Variants in STYX observed in about 807,000 individuals in gnomAD.
STYX encodes the protein serine/threonine/tyrosine-interacting protein.
STYX carries 20 observed loss-of-function variants against 42.7 expected under a neutral mutation model. That is an observed-to-expected ratio of 0.47 (90% CI 0.33 to 0.68). The LOEUF is 0.68. Among genes scored for constraint, STYX ranks in the 30% least tolerant of loss-of-function variants. The pLI is 0.02. For missense variants in STYX, 226 were observed against 268.5 expected, an observed-to-expected ratio of 0.84 and a Z score of 1.11; for synonymous variants, 78 against 81.9, an observed-to-expected ratio of 0.95 and a Z score of 0.26.
chr14:52,746,399 A>G (rs768601522), intron 2 of STYX, 27 bp from the exon 3 acceptor site: 3 of 1,536,554 alleles, frequency 2.0e-6, no homozygotes, highest in Non-Finnish European at 2.6e-6. Flanking sequence ...TGCTGATGGT[A>G]AATACCTCAA....
intron 4 of STYX, among the ~76,000 whole-genome samples, chr14:52,751,953 A>G (rs932614711): frequency 1.7e-4 from 26 of 152,164 alleles, no homozygotes; most frequent in Non-Finnish European, 3.7e-4. Context: ...ACCTGAGGTC[A>G]GGAGTTCGAG....
rs1431768879 is a variant in STYX, at chr14:52,730,385, C to T, written c.-90C>T. Reference sequence around the variant, plus strand: ...CCTGTCAGCCCTCCGCTCCGCCGGCCCTCCTTCCTTCCGCCGCCGCAGCCA... The same window carrying T: ...CCTGTCAGCCCTCCGCTCCGCCGGCTCTCCTTCCTTCCGCCGCCGCAGCCA... On this transcript the variant is annotated 5_prime_UTR_variant, in exon 1 of 11. Transcript: ENST00000354586. 87 of 1,391,732 alleles carry T rather than the reference C, an allele frequency of 6.3e-5. 1 individual carries two copies. 86.2% of individuals were successfully genotyped at this position (1,391,732 alleles called of 1,614,324 possible).
chr14:52,771,747 A>G lies in STYX; in HGVS notation c.*641A>G, dbSNP rs927597428. ...AATTAGCTGTCCTTACTTTAACTTG[A>G]TCTAATTATTGCTTCCTTTCTTATT... On this transcript the variant is annotated 3_prime_UTR_variant, in exon 11 of 11. Transcript: ENST00000354586. 2 of 152,386 alleles carry G rather than the reference A, an allele frequency of 1.3e-5. No homozygotes were observed. The highest frequency in any genetic ancestry group is 4.8e-5 in the African/African-American group (2 of 41,430). The allele number at this position is 152,386 out of a possible 1,614,324, so 9.4% of individuals were successfully genotyped here.
chr14:52,762,142 A>G (rs1278338575), intron 9 of STYX, among the ~76,000 whole-genome samples: 1 of 151,678 alleles, frequency 6.6e-6, no homozygotes, highest in Non-Finnish European at 1.5e-5. Context: ...GGCCTCTCAA[A>G]GTGCTGGAAT....
intron 1 of STYX, among the ~76,000 whole-genome samples, chr14:52,738,666 G>C (rs1881059386): frequency 6.6e-6 from 1 of 152,172 alleles, no homozygotes; most frequent in Admixed American, 6.6e-5. Flanking sequence ...ATTACTTTAA[G>C]TTGGAAACAC....
intron 1 of STYX, 65 bp from the exon 2 acceptor site, chr14:52,744,787 T>C: frequency 6.8e-7 from 1 of 1,477,282 alleles, no homozygotes; most frequent in Non-Finnish European, 9.4e-7. Context: ...GTGTCACATC[T>C]TTAGCCTTTA....
chr14:52,770,342 G>T (rs1882464573), intron 10 of STYX, among the ~76,000 whole-genome samples: 4 of 152,068 alleles, frequency 2.6e-5, no homozygotes, highest in Admixed American at 2.6e-4. Context: ...ATAAGTTTAA[G>T]GTCATGCCAT....
intron 1 of STYX, among the ~76,000 whole-genome samples, chr14:52,741,230 AT>A (rs61593961): frequency 1.0e-4 from 14 of 140,308 alleles, no homozygotes; most frequent in Non-Finnish European, 1.5e-4. Flanking sequence ...ATATATATAT[AT>A]TTTTTTTTTG....
In STYX at chr14:52,771,338, C is replaced by G. The variant is rs1882504227; in HGVS notation, c.*232C>G. 4 of 375,896 alleles carry G rather than the reference C, an allele frequency of 1.1e-5. No homozygotes were observed. Among genetic ancestry groups the G allele is most frequent in the Admixed American group, 8.7e-5 (2 of 22,974 alleles). 23.3% of individuals were successfully genotyped at this position (375,896 alleles called of 1,614,324 possible). On this transcript the variant is annotated 3_prime_UTR_variant, in exon 11 of 11. Transcript: ENST00000354586. ...TTAAAAACACATGCGCGCGCACACA[C>G]ACATGCTTTACAAGTTTTATTATAA...
Position 52,774,591 on chromosome 14 carries a change from ATTTTTTT to A in STYX, c.*3496_*3502del, listed in dbSNP as rs36115577. On this transcript the variant is annotated 3_prime_UTR_variant, in exon 11 of 11. Coordinates refer to ENST00000354586, the MANE Select transcript of STYX (RefSeq NM_145251.4). ...GTCTCTAGGGTCTTTGAATGCTGGA[ATTTTTTT>A]TTTTTTTTTTGTCTTTCCCATCTGT... is the stretch of plus-strand genomic sequence containing the variant. The A allele has an allele frequency of 1.5e-5, 2 of 136,264 alleles. No individual in the cohort carries two copies. Among genetic ancestry groups the A allele is most frequent in the African/African-American group, 5.4e-5 (2 of 37,052 alleles). The allele number at this position is 136,264 out of a possible 1,614,324, so 8.4% of individuals were successfully genotyped here. A position where few individuals can be genotyped will look rare whatever the true frequency, so the allele number is the denominator to read the frequency against.
At chr14:52,769,813 G>A (rs1012364704) in intron 10 of STYX, among the ~76,000 whole-genome samples, 1 of 151,854 alleles carries the variant, frequency 6.6e-6, no homozygotes, top group African/African-American at 2.4e-5. Context: ...GGTCTGTTCT[G>A]TACATTGTGG....
At chr14:52,747,167 T>A (rs978691340) in intron 3 of STYX, among the ~76,000 whole-genome samples, 4 of 152,224 alleles carry the variant, frequency 2.6e-5, no homozygotes, top group Admixed American at 6.5e-5. Flanking sequence ...AGTCAAACTT[T>A]AATGGACTTA....
chr14:52,755,566 A>G (rs1881828470), intron 4 of STYX, among the ~76,000 whole-genome samples: 1 of 152,234 alleles, frequency 6.6e-6, no homozygotes, highest in Non-Finnish European at 1.5e-5. Context: ...GTTAATAAAC[A>G]GTGGTCTTAG....
intron 8 of STYX, among the ~76,000 whole-genome samples, chr14:52,759,095 C>T (rs1038127077): frequency 1.3e-5 from 2 of 152,044 alleles, no homozygotes; most frequent in Non-Finnish European, 2.9e-5. Context: ...TGAGCTTGAA[C>T]TTGTACTATA....
chr14:52,754,662 G>A (rs966679417), intron 4 of STYX, among the ~76,000 whole-genome samples: 6 of 152,006 alleles, frequency 3.9e-5, no homozygotes, highest in Non-Finnish European at 8.8e-5. Context: ...TTGTGTATGT[G>A]TATTTACGTA....
chr14:52,766,100 G>C (rs1011823730), intron 9 of STYX, among the ~76,000 whole-genome samples: 2 of 152,134 alleles, frequency 1.3e-5, no homozygotes, highest in African/African-American at 4.8e-5. Flanking sequence ...GGGCTCAAGT[G>C]ATCTTCCCAC....
intron 9 of STYX, among the ~76,000 whole-genome samples, chr14:52,765,641 C>T (rs1882273652): frequency 6.6e-6 from 1 of 152,290 alleles, no homozygotes; most frequent in South Asian, 2.1e-4. Context: ...CACCAAGGAC[C>T]AGTTTCATGA....
At chr14:52,748,775 G>A (rs1881490308) in intron 3 of STYX, among the ~76,000 whole-genome samples, 1 of 152,184 alleles carries the variant, frequency 6.6e-6, no homozygotes, top group African/African-American at 2.4e-5. Context: ...CATTCATAAA[G>A]TAGATAGGAA....
intron 9 of STYX, among the ~76,000 whole-genome samples, chr14:52,761,566 G>GTTTTTTT (rs539782412): frequency 2.0e-5 from 2 of 100,832 alleles, no homozygotes; most frequent in Admixed American, 1.2e-4. Flanking sequence ...GTAGCCAAAA[G>GTTTTTTT]TTTTTTTTTT....
Sources: gnomAD v4.1 joint callset for allele counts (sites outside exome capture counted in the v4.1 genomes callset) on GRCh38, gnomAD v4.1.1 for gene constraint, MANE v1.5 for transcripts, NCBI Gene and HGNC (gene_info 2026-07-23, HGNC 2026-07-21) for gene names.